PRKG1: variants seen among roughly 807,000 people sequenced by gnomAD.
PRKG1 encodes the protein protein kinase cGMP-dependent 1, also known as cGMP-dependent protein kinase 1.
A neutral mutation model predicts 88.1 loss-of-function variants in PRKG1; 35 were observed. The ratio of observed to expected loss-of-function variants is 0.40; its 90% confidence interval spans 0.30 to 0.53. The LOEUF is 0.53. Among genes scored for constraint, PRKG1 ranks in the 20% least tolerant of loss-of-function variants. The pLI, the probability that PRKG1 is intolerant of heterozygous loss-of-function variation, is 0.59. For missense variants in PRKG1, 540 were observed against 839.8 expected (o/e 0.64, Z 4.41); for synonymous variants, 303 against 292.5 (o/e 1.04, Z -0.37).
intron 4 of PRKG1, among the ~76,000 whole-genome samples, chr10:51,856,165 T>C (rs757356686): frequency 6.6e-6 from 1 of 152,164 alleles, no homozygotes; most frequent in Non-Finnish European, 1.5e-5. Flanking sequence ...CCCTTGCAGT[T>C]ACATTTAGAG....
chr10:51,139,115 A>G (rs1354431595), intron 1 of PRKG1, among the ~76,000 whole-genome samples: 6 of 152,186 alleles, frequency 3.9e-5, no homozygotes, highest in Admixed American at 1.3e-4. Context: ...AGAGCATAGC[A>G]GTAAGTCTTT....
At chr10:51,669,709 T>C (rs2132345460) in intron 3 of PRKG1, among the ~76,000 whole-genome samples, 1 of 152,332 alleles carries the variant, frequency 6.6e-6, no homozygotes, top group East Asian at 1.9e-4. Context: ...CTTTTGTTAC[T>C]TACTTCTACT....
rs572052501 is a variant in PRKG1, at chr10:52,205,467, C to T, written c.1076+43504C>T. Among the ~76,000 whole-genome samples the T allele has an allele frequency of 8.3e-4, 126 of 152,220 alleles. 5 individuals carry two copies. In the South Asian group the frequency reaches 0.012, roughly 14 times the overall value. ...ACTTAGGGAAACAGAAAAGAACCCA[C>T]GTTGAATTATTGGGGGTGAGTTCCC... On this transcript the variant is annotated intron_variant, in intron 9 of 17. Coordinates refer to ENST00000373980, the MANE Select transcript of PRKG1 (RefSeq NM_006258.4).
chr10:51,480,927 G>T lies in PRKG1; in HGVS notation c.592+13091G>T, dbSNP rs1379122251. 2.0e-5 allele frequency among the ~76,000 whole-genome samples: 3 copies of T among 152,116 alleles called. No homozygotes were observed. In the East Asian group the frequency reaches 5.8e-4, roughly 29 times the overall value. ...ATATGAGGGACTGGAGAATGGGGGA[G>T]GTGGTGGTGGTATGAGTCTAGGAAA... On this transcript the variant is annotated intron_variant, in intron 3 of 17. Transcript: ENST00000373980.
intron 5 of PRKG1, among the ~76,000 whole-genome samples, chr10:51,964,454 C>T (rs1001422574): frequency 2.6e-5 from 4 of 152,126 alleles, no homozygotes; most frequent in African/African-American, 2.4e-5. Flanking sequence ...GAAAGTTCAG[C>T]GTTGATGGTA....
In PRKG1 at chr10:51,066,772, G is replaced by A. The variant is rs181912213; in HGVS notation, c.266+75128G>A. 1.8e-3 allele frequency among the ~76,000 whole-genome samples: 273 copies of A among 152,108 alleles called. 4 individuals are homozygous for A. The highest frequency in any genetic ancestry group is 8.1e-3 in the Admixed American group (123 of 15,260). ...AAAAGTACTGATATTAATACTGAAA[G>A]AAATCTCTTTTCTTACATTTTTCTC... is the stretch of plus-strand genomic sequence containing the variant. On this transcript the variant is annotated intron_variant, in intron 1 of 17. Coordinates refer to the PRKG1 transcript ENST00000401604.
intron 9 of PRKG1, among the ~76,000 whole-genome samples, chr10:52,202,383 C>T (rs1405388610): frequency 1.3e-5 from 2 of 152,082 alleles, no homozygotes; most frequent in East Asian, 3.8e-4. Context: ...CCTTGCATCC[C>T]CGTGATAAAG....
intron 1 of PRKG1, among the ~76,000 whole-genome samples, chr10:51,099,755 A>C (rs1418793088): frequency 6.6e-6 from 1 of 152,210 alleles, no homozygotes; most frequent in African/African-American, 2.4e-5. Context: ...CTCCCTGGAA[A>C]TGTGTAGGAT....
intron 2 of PRKG1, among the ~76,000 whole-genome samples, chr10:51,455,283 T>A (rs1839552767): frequency 6.6e-6 from 1 of 152,232 alleles, no homozygotes; most frequent in Non-Finnish European, 1.5e-5. Context: ...CATTTTTTCC[T>A]CATGGGCCTC....
intron 3 of PRKG1, among the ~76,000 whole-genome samples, chr10:51,560,846 G>A (rs1837439723): frequency 6.6e-6 from 1 of 151,978 alleles, no homozygotes; most frequent in Non-Finnish European, 1.5e-5. Context: ...CAAATATACA[G>A]TTTTGTATAT....
intron 3 of PRKG1, among the ~76,000 whole-genome samples, chr10:51,582,717 G>C (rs1392153852): frequency 6.6e-6 from 1 of 152,044 alleles, no homozygotes; most frequent in African/African-American, 2.4e-5. Context: ...ATGGGCATTT[G>C]GGTTGGTTCC....
intron 3 of PRKG1, among the ~76,000 whole-genome samples, chr10:51,520,414 A>G (rs1425896050): frequency 1.3e-5 from 2 of 151,400 alleles, no homozygotes; most frequent in African/African-American, 4.8e-5. Flanking sequence ...TATATAAAGT[A>G]TAAATTAATC....
intron 2 of PRKG1, among the ~76,000 whole-genome samples, chr10:51,294,563 G>T (rs1174880624): frequency 6.6e-6 from 1 of 152,082 alleles, no homozygotes; most frequent in Non-Finnish European, 1.5e-5. Flanking sequence ...AGTAATTGTG[G>T]TTTTGCCATT....
At chr10:52,087,726 C>T (rs1453211253) in intron 7 of PRKG1, among the ~76,000 whole-genome samples, 1 of 152,144 alleles carries the variant, frequency 6.6e-6, no homozygotes, top group African/African-American at 2.4e-5. Context: ...CATCTGGCAA[C>T]CAAGAACAGA....
intron 9 of PRKG1, among the ~76,000 whole-genome samples, chr10:52,172,624 C>G (rs902206633): frequency 6.6e-6 from 1 of 152,330 alleles, no homozygotes; most frequent in Admixed American, 6.5e-5. Context: ...ATAATTATCT[C>G]TATCTACAAT....
chr10:51,147,637 GTAA>G (rs1317903956), intron 1 of PRKG1, among the ~76,000 whole-genome samples: 4 of 152,042 alleles, frequency 2.6e-5, no homozygotes, highest in African/African-American at 9.7e-5. Flanking sequence ...TTGACAATTG[GTAA>G]ATATTACAAT....
intron 2 of PRKG1, among the ~76,000 whole-genome samples, chr10:51,184,579 G>T (rs191734569): frequency 2.0e-5 from 3 of 152,170 alleles, no homozygotes; most frequent in African/African-American, 7.2e-5. Flanking sequence ...ATTTAGTAAT[G>T]GTTGTGGTGA....
chr10:51,011,350 G>A (rs569252562), intron 1 of PRKG1, among the ~76,000 whole-genome samples: 2 of 152,146 alleles, frequency 1.3e-5, no homozygotes, highest in Non-Finnish European at 2.9e-5. Context: ...ACCAGTTAGG[G>A]CAACCAGAAT....
chr10:51,609,881 T>C (rs1838861172), intron 3 of PRKG1, among the ~76,000 whole-genome samples: 1 of 152,100 alleles, frequency 6.6e-6, no homozygotes, highest in Non-Finnish European at 1.5e-5. Context: ...ATATAGGTAA[T>C]GCATGCTGGG....
Sources: allele counts gnomAD v4.1 joint callset (sites outside exome capture counted in the v4.1 genomes callset), GRCh38; gene constraint gnomAD v4.1.1; transcripts MANE v1.5; gene names NCBI Gene and HGNC (gene_info 2026-07-23, HGNC 2026-07-21).